TENM3: variants seen among roughly 807,000 people sequenced by gnomAD.
TENM3 encodes the protein teneurin-3.
Under a neutral mutation model 255.1 loss-of-function variants are expected in TENM3, and 63 were observed. The ratio of observed to expected loss-of-function variants is 0.25; its 90% CI spans 0.20 to 0.30. TENM3 has a LOEUF of 0.30. Among genes scored for constraint, TENM3 ranks in the 10% least tolerant of loss-of-function variants. The pLI is 1.00. For synonymous variants in TENM3, 1,306 were observed against 1,322.3 expected (o/e 0.99, Z 0.27); for missense variants, 2,929 against 3,461.1 (o/e 0.85, Z 3.86).
chr4:181,988,892 A>G, the TENM3 span, among the ~76,000 whole-genome samples: 1 of 151,982 alleles, frequency 6.6e-6, no homozygotes, highest in Admixed American at 6.6e-5. Flanking sequence ...ACATATCAGT[A>G]TCCTGGGTCA....
chr4:182,118,231 G>A, the TENM3 span, among the ~76,000 whole-genome samples: 12 of 151,990 alleles, frequency 7.9e-5, no homozygotes, highest in Admixed American at 7.9e-4. Flanking sequence ...TGCACGAACA[G>A]AGACAGTATT....
intron 3 of TENM3, among the ~76,000 whole-genome samples, chr4:182,360,293 G>A (rs367550477): frequency 2.3e-5 from 3 of 129,612 alleles, no homozygotes; most frequent in Non-Finnish European, 3.2e-5. Flanking sequence ...TTTCTGTCTC[G>A]TTGATCTGTC....
chr4:182,436,122 A>C (rs1772026652), intron 3 of TENM3, among the ~76,000 whole-genome samples: 1 of 152,146 alleles, frequency 6.6e-6, no homozygotes, highest in Non-Finnish European at 1.5e-5. Flanking sequence ...TATTGACAGC[A>C]GTTCCTTTGC....
At chr4:182,797,136 C>T (rs1366009910) in intron 27 of TENM3, among the ~76,000 whole-genome samples, 1 of 152,180 alleles carries the variant, frequency 6.6e-6, no homozygotes, top group East Asian at 1.9e-4. Context: ...GGTTCAACTT[C>T]TTTAAAAATT....
In TENM3 at chr4:182,754,039, T is replaced by G. The variant is rs1762552656; in HGVS notation, c.4018-346T>G. On this transcript the variant is annotated intron_variant, in intron 21 of 27. Coordinates refer to ENST00000511685, the MANE Select transcript of TENM3 (RefSeq NM_001080477.4). The surrounding 1 kb of genome is among the most constrained non-coding windows in gnomAD (Gnocchi z 5.1). ...GAAAACACAATAGAATACTAATCTA[T>G]TCATAACCTAGAAAGCCCCAACATT... 6.6e-6 allele frequency among the ~76,000 whole-genome samples: 1 copy of G among 152,192 alleles called. No individual in the cohort carries two copies. The highest frequency in any genetic ancestry group is 6.5e-5 in the Admixed American group (1 of 15,274).
intron 4 of TENM3, among the ~76,000 whole-genome samples, chr4:182,603,331 C>T (rs752244171): frequency 3.9e-5 from 6 of 151,940 alleles, no homozygotes; most frequent in Admixed American, 6.6e-5. Context: ...GGAAATCAAC[C>T]GCTGATATGA....
chr4:182,236,943 C>A (rs1349776787), intron 1 of TENM3, among the ~76,000 whole-genome samples: 1 of 152,134 alleles, frequency 6.6e-6, no homozygotes, highest in Non-Finnish European at 1.5e-5. Flanking sequence ...CAAGCCATCA[C>A]CTAGGTATTA....
chr4:181,907,909 C>G, the TENM3 span, among the ~76,000 whole-genome samples: 6 of 152,248 alleles, frequency 3.9e-5, no homozygotes, highest in African/African-American at 1.4e-4. Flanking sequence ...GAAGTATTTC[C>G]TATTTACAAA....
At chr4:181,664,305 A>G in the TENM3 span, among the ~76,000 whole-genome samples, 1 of 151,954 alleles carries the variant, frequency 6.6e-6, no homozygotes, top group African/African-American at 2.4e-5. Flanking sequence ...CCCCGTCTCC[A>G]CAAAAACTAT....
At chr4:181,569,924 C>T in the TENM3 span, among the ~76,000 whole-genome samples, 1 of 151,950 alleles carries the variant, frequency 6.6e-6, no homozygotes, top group African/African-American at 2.4e-5. Flanking sequence ...CAGACAGTAA[C>T]GGACCTAACT....
chr4:181,591,759 G>A, the TENM3 span, among the ~76,000 whole-genome samples: 1 of 152,240 alleles, frequency 6.6e-6, no homozygotes, highest in African/African-American at 2.4e-5. Flanking sequence ...TCTAAGGCCT[G>A]ATGAAACCAC....
chr4:182,135,367 G>C, the TENM3 span, among the ~76,000 whole-genome samples: 2 of 152,052 alleles, frequency 1.3e-5, no homozygotes, highest in African/African-American at 4.8e-5. Flanking sequence ...TTTAAGCAAA[G>C]AAAGAAAGAA....
chr4:181,791,640 G>A, the TENM3 span, among the ~76,000 whole-genome samples: 7 of 152,310 alleles, frequency 4.6e-5, no homozygotes, highest in South Asian at 1.2e-3. Context: ...AGACGAAACA[G>A]CATTCGGCAG....
the TENM3 span, among the ~76,000 whole-genome samples, chr4:181,878,698 G>A: frequency 6.6e-6 from 1 of 151,678 alleles, no homozygotes; most frequent in Admixed American, 6.6e-5. Context: ...CCTTCCGTCT[G>A]TCTATATACC....
At chr4:181,765,141 C>T in the TENM3 span, among the ~76,000 whole-genome samples, 68 of 152,268 alleles carry the variant, frequency 4.5e-4, 2 homozygotes, top group East Asian at 0.011. Context: ...GAAAGATGTA[C>T]CTGAGCTTTG....
the TENM3 span, among the ~76,000 whole-genome samples, chr4:181,572,606 G>T: frequency 1.3e-5 from 2 of 151,408 alleles, no homozygotes; most frequent in African/African-American, 4.9e-5. Flanking sequence ...TTTTTATTTT[G>T]ATGGAACAAA....
At chr4:182,558,792 T>C (rs1742828691) in intron 3 of TENM3, among the ~76,000 whole-genome samples, 1 of 152,204 alleles carries the variant, frequency 6.6e-6, no homozygotes, top group African/African-American at 2.4e-5. Flanking sequence ...TAAATCAGTT[T>C]TTATGCTTCT....
At chr4:181,752,677 G>A in the TENM3 span, among the ~76,000 whole-genome samples, 2 of 151,990 alleles carry the variant, frequency 1.3e-5, no homozygotes, top group African/African-American at 2.4e-5. Context: ...AACATCCTCC[G>A]TTTTATTTTC....
intron 1 of TENM3, among the ~76,000 whole-genome samples, chr4:182,215,080 T>C (rs1418525746): frequency 6.6e-6 from 1 of 152,132 alleles, no homozygotes; most frequent in Non-Finnish European, 1.5e-5. Context: ...AAAGAACACA[T>C]CAGAAACTTT....
Sources: allele counts gnomAD v4.1 joint callset (sites outside exome capture counted in the v4.1 genomes callset), GRCh38; gene constraint gnomAD v4.1.1; non-coding constraint Gnocchi (gnomAD v3.1); transcripts MANE v1.5; gene names NCBI Gene and HGNC (gene_info 2026-07-23, HGNC 2026-07-21).